Variants in TIAM1 observed in about 807,000 individuals in gnomAD.
TIAM1 encodes the protein TIAM Rac1 associated GEF 1.
Under a neutral mutation model 163.5 loss-of-function variants are expected in TIAM1, and 65 were observed. The observed-to-expected ratio is 0.40, with a 90% CI of 0.33 to 0.49. The LOEUF is 0.49. Among genes scored for constraint, TIAM1 ranks in the 20% least tolerant of loss-of-function variants. TIAM1 has a pLI of 0.77. For missense variants in TIAM1, 1,789 were observed against 2,044.7 expected, an observed-to-expected ratio of 0.87 and a Z score of 2.41; for synonymous variants, 833 against 810.1, an observed-to-expected ratio of 1.03 and a Z score of -0.48.
In TIAM1 at chr21:31,539,334, C is replaced by T. The variant is rs553346750; in HGVS notation, c.-422+19593G>A. 6.0e-5 allele frequency among the ~76,000 whole-genome samples: 9 copies of T among 150,000 alleles called. 1 individual carries two copies. Among genetic ancestry groups the T allele is most frequent in the South Asian group, 2.1e-4 (1 of 4,792 alleles). On this transcript the variant is annotated intron_variant, in intron 1 of 28. Transcript: ENST00000286827. ...AGGCTGGAGTGCAGTGGCACGATCT[C>T]GGCTCACTGCAAGCTCCACCTCCCG...
At chr21:31,491,083 A>C (rs562984301) in intron 1 of TIAM1, among the ~76,000 whole-genome samples, 1 of 152,200 alleles carries the variant, frequency 6.6e-6, no homozygotes, top group Non-Finnish European at 1.5e-5. Context: ...GTGAGCCGGG[A>C]TTGCGCCACT....
At chr21:31,359,755 C>A (rs2076373535) in intron 2 of TIAM1, among the ~76,000 whole-genome samples, 1 of 148,726 alleles carries the variant, frequency 6.7e-6, no homozygotes, top group Non-Finnish European at 1.5e-5. Flanking sequence ...CACCATTGCA[C>A]ACCACCTGGG....
intron 2 of TIAM1, among the ~76,000 whole-genome samples, chr21:31,436,526 C>A (rs2044215283): frequency 6.6e-6 from 1 of 152,116 alleles, no homozygotes; most frequent in African/African-American, 2.4e-5. Flanking sequence ...ACTCAGGAGA[C>A]TGAGGCACAA....
intron 1 of TIAM1, among the ~76,000 whole-genome samples, chr21:31,343,175 T>C (rs1166039808): frequency 6.6e-6 from 1 of 152,174 alleles, no homozygotes; most frequent in Non-Finnish European, 1.5e-5. Context: ...TGGTGTACTA[T>C]TAAGTTGTTG....
Position 31,120,706 on chromosome 21 carries a change from T to A in TIAM1, c.4438A>T (p.Thr1480Ser), listed in dbSNP as rs2081968698. ...ESQQPPGGGD[T>S]DRWVEEQFDL... Reference sequence around the variant, plus strand: ...AACTGCTCCTCTACCCATCGGTCAGTGTCCCCACCACCGGGGGGCTGCTGG... The same window carrying A: ...AACTGCTCCTCTACCCATCGGTCAGAGTCCCCACCACCGGGGGGCTGCTGG... The change falls in exon 28 of 28, where the codon ACT (threonine) becomes TCT (serine). Residue 1480 changes from threonine to serine, a missense_variant. Coordinates refer to ENST00000541036, the MANE Select transcript of TIAM1 (RefSeq NM_001353694.2). This position sits in a 1 kb window ranked among gnomAD's most constrained non-coding sequence, Gnocchi z 4.2. The A allele has an allele frequency of 1.2e-6, 2 of 1,614,084 alleles. No homozygotes were observed. The highest frequency in any genetic ancestry group is 1.7e-6 in the Non-Finnish European group (2 of 1,180,028).
intron 6 of TIAM1, among the ~76,000 whole-genome samples, chr21:31,228,220 T>TAAAAA (rs71191197): frequency 3.1e-4 from 5 of 16,262 alleles, no homozygotes; most frequent in Non-Finnish European, 5.0e-4. Context: ...CTCCTTTTTT[T>TAAAAA]AAAAAAAAAA....
chr21:31,172,580 T>C (rs2084566630), intron 15 of TIAM1, among the ~76,000 whole-genome samples: 1 of 152,114 alleles, frequency 6.6e-6, no homozygotes, highest in Admixed American at 6.5e-5. Flanking sequence ...CTGAGCACAC[T>C]GCCAGGCATG....
At chr21:31,396,986 C>A (rs1182032006) in intron 2 of TIAM1, among the ~76,000 whole-genome samples, 3 of 152,118 alleles carry the variant, frequency 2.0e-5, no homozygotes. Flanking sequence ...TTATGCCCTT[C>A]CACTTTTCTA....
At chr21:31,199,836 G>T (rs1465850181) in intron 12 of TIAM1, among the ~76,000 whole-genome samples, 6 of 149,568 alleles carry the variant, frequency 4.0e-5, no homozygotes, top group Non-Finnish European at 7.4e-5. Context: ...GGCCAGCCTA[G>T]AACACTTGTC....
intron 10 of TIAM1, 79 bp downstream of exon 10, chr21:31,213,318 AG>A (rs2086985745): frequency 5.0e-6 from 6 of 1,199,928 alleles, no homozygotes; most frequent in Non-Finnish European, 7.0e-6. Flanking sequence ...TAATTTTAGT[AG>A]CTCAAGACAA....
intron 8 of TIAM1, among the ~76,000 whole-genome samples, chr21:31,222,419 C>T (rs893019574): frequency 1.3e-5 from 2 of 152,036 alleles, no homozygotes; most frequent in Non-Finnish European, 2.9e-5. Context: ...CATGAAATTA[C>T]AGATTATAAA....
At chr21:31,369,411 AGGAGGGAAG>A (rs1375877944) in intron 2 of TIAM1, among the ~76,000 whole-genome samples, 1 of 148,138 alleles carries the variant, frequency 6.8e-6, no homozygotes, top group Admixed American at 6.7e-5. Flanking sequence ...TGGGAAGGGT[AGGAGGGAAG>A]GGAGGATAAG....
intron 2 of TIAM1, among the ~76,000 whole-genome samples, chr21:31,329,481 A>T (rs2075606768): frequency 6.6e-6 from 1 of 152,226 alleles, no homozygotes; most frequent in Non-Finnish European, 1.5e-5. Context: ...TCCCCAGGTC[A>T]CAGTACATTC....
intron 1 of TIAM1, among the ~76,000 whole-genome samples, chr21:31,470,329 A>T (rs980240827): frequency 6.7e-6 from 1 of 148,314 alleles, no homozygotes; most frequent in Non-Finnish European, 1.5e-5. Context: ...TTATTTATTT[A>T]TTTACTTATT....
chr21:31,231,437 T>C (rs2088422231), intron 6 of TIAM1, among the ~76,000 whole-genome samples: 1 of 152,110 alleles, frequency 6.6e-6, no homozygotes, highest in Admixed American at 6.6e-5. Context: ...TCTCCTTATT[T>C]AATGAAAGTG....
intron 11 of TIAM1, among the ~76,000 whole-genome samples, chr21:31,207,447 T>C (rs890586967): frequency 6.6e-6 from 1 of 152,110 alleles, no homozygotes; most frequent in Admixed American, 6.6e-5. Flanking sequence ...AGAATAACAA[T>C]AATGAAACAA....
intron 2 of TIAM1, among the ~76,000 whole-genome samples, chr21:31,414,310 G>C (rs1273435187): frequency 7.2e-5 from 11 of 151,780 alleles, no homozygotes; most frequent in Non-Finnish European, 1.5e-4. Flanking sequence ...TAAATATACA[G>C]CTTATGTACA....
chr21:31,379,979 C>G (rs1602137491), intron 2 of TIAM1, among the ~76,000 whole-genome samples: 4 of 152,274 alleles, frequency 2.6e-5, no homozygotes, highest in African/African-American at 9.6e-5. Flanking sequence ...AATTATGGAA[C>G]TGGCAGGGTA....
At chr21:31,518,993 G>A (rs1004613228) in intron 1 of TIAM1, among the ~76,000 whole-genome samples, 1 of 152,118 alleles carries the variant, frequency 6.6e-6, no homozygotes, top group Non-Finnish European at 1.5e-5. Context: ...TCAGGAGTTC[G>A]AGACCAGCCT....
Sources: allele counts gnomAD v4.1 joint callset (sites outside exome capture counted in the v4.1 genomes callset), GRCh38; gene constraint gnomAD v4.1.1; non-coding constraint Gnocchi (gnomAD v3.1); transcripts MANE v1.5; gene names NCBI Gene and HGNC (gene_info 2026-07-23, HGNC 2026-07-21).